The following SLC8A3 variants were observed in gnomAD, a reference collection of about 807,000 sequenced individuals.
SLC8A3 encodes solute carrier family 8 member A3.
A neutral mutation model predicts 65.4 loss-of-function variants in SLC8A3; 37 were observed. That is an observed-to-expected ratio of 0.57 (90% CI 0.44 to 0.74). The LOEUF (loss-of-function observed/expected upper bound fraction) is 0.74. SLC8A3 is among the 30% of genes least tolerant of loss of function. The pLI is 0.00. For missense variants in SLC8A3, 1,112 were observed against 1,172.1 expected (o/e 0.95, Z 0.75); for synonymous variants, 461 against 444.5 (o/e 1.04, Z -0.47).
At chr14:70,088,470 A>G (rs1389758876) in intron 2 of SLC8A3, among the ~76,000 whole-genome samples, 6 of 152,138 alleles carry the variant, frequency 3.9e-5, no homozygotes, top group East Asian at 3.9e-4. Flanking sequence ...CAGGCTATCA[A>G]TGCTTCTCCT....
At chr14:70,094,425 A>G (rs1431616916) in intron 2 of SLC8A3, among the ~76,000 whole-genome samples, 2 of 152,242 alleles carry the variant, frequency 1.3e-5, no homozygotes, top group Non-Finnish European at 2.9e-5. Flanking sequence ...TAAAACCAAC[A>G]GTTCCCATCA....
intron 1 of SLC8A3, among the ~76,000 whole-genome samples, chr14:70,185,758 A>G (rs1883155714): frequency 6.6e-6 from 1 of 152,196 alleles, no homozygotes; most frequent in African/African-American, 2.4e-5. Flanking sequence ...TCTGTTATCT[A>G]GAGGTGTGCC....
chr14:70,150,695 C>G (rs534904164), intron 2 of SLC8A3, among the ~76,000 whole-genome samples: 1 of 152,196 alleles, frequency 6.6e-6, no homozygotes, highest in Admixed American at 6.5e-5. Context: ...CAGAGGAAAG[C>G]AGGTAACATG....
At position 70,174,898 on chromosome 14, in the gene SLC8A3, G is replaced by A. The variant is rs141102075; in HGVS notation, c.-62-6414C>T. ...GGTGGCTCTACGGATGCCTCAACCC[G>A]TGTGGGCAGTGGCTGCACTGCAGCA... On this transcript the variant is annotated intron_variant, in intron 1 of 6. Transcript: ENST00000356921. 7.9e-5 allele frequency among the ~76,000 whole-genome samples: 12 copies of A among 152,250 alleles called. No homozygotes were observed. In the East Asian group the frequency reaches 1.3e-3, roughly 17 times the overall value.
intron 2 of SLC8A3, among the ~76,000 whole-genome samples, chr14:70,163,546 T>C (rs1398457988): frequency 6.6e-6 from 1 of 152,168 alleles, no homozygotes; most frequent in African/African-American, 2.4e-5. Flanking sequence ...AAAGCAGATG[T>C]TCCAACTTTG....
At chr14:70,154,147 C>G (rs61978179) in intron 2 of SLC8A3, among the ~76,000 whole-genome samples, 23,648 of 152,176 alleles carry the variant, frequency 0.16, 2,345 homozygotes, top group Non-Finnish European at 0.22. Context: ...AAAGAAGAAA[C>G]GTAGAATGCA....
intron 2 of SLC8A3, among the ~76,000 whole-genome samples, chr14:70,119,073 C>A (rs1333484255): frequency 6.6e-6 from 1 of 152,082 alleles, no homozygotes; most frequent in African/African-American, 2.4e-5. Context: ...AGTCCTACAG[C>A]TTTACTCTTT....
At chr14:70,112,323 G>A (rs998799797) in intron 2 of SLC8A3, among the ~76,000 whole-genome samples, 6 of 152,302 alleles carry the variant, frequency 3.9e-5, no homozygotes, top group Admixed American at 1.3e-4. Flanking sequence ...TCTTGAGGAC[G>A]AGGCACTGGG....
intron 2 of SLC8A3, among the ~76,000 whole-genome samples, chr14:70,123,596 C>T (rs1454463561): frequency 6.6e-6 from 1 of 151,808 alleles, no homozygotes; most frequent in Non-Finnish European, 1.5e-5. Context: ...ATTACAGGCA[C>T]CTGTCACCAC....
chr14:70,135,904 T>C (rs1198838661), intron 2 of SLC8A3, among the ~76,000 whole-genome samples: 2 of 152,200 alleles, frequency 1.3e-5, no homozygotes. Flanking sequence ...AGAATTATAA[T>C]GTCCCCAATC....
chr14:70,145,511 C>A (rs1297725625), intron 2 of SLC8A3, among the ~76,000 whole-genome samples: 1 of 152,158 alleles, frequency 6.6e-6, no homozygotes, highest in Non-Finnish European at 1.5e-5. Flanking sequence ...AAGCCCTGGC[C>A]CCCTCACTAG....
intron 3 of SLC8A3, among the ~76,000 whole-genome samples, chr14:70,058,733 C>A (rs1453028113): frequency 6.6e-6 from 1 of 152,178 alleles, no homozygotes; most frequent in East Asian, 1.9e-4. Context: ...AAGAGAAGAG[C>A]CTTTTTACTG....
At chr14:70,156,540 G>C (rs1159543828) in intron 2 of SLC8A3, among the ~76,000 whole-genome samples, 1 of 152,170 alleles carries the variant, frequency 6.6e-6, no homozygotes, top group African/African-American at 2.4e-5. Context: ...TCATTGACTG[G>C]AGCTGACACA....
intron 5 of SLC8A3, among the ~76,000 whole-genome samples, chr14:70,050,588 T>G (rs1161534797): frequency 6.6e-6 from 1 of 152,004 alleles, no homozygotes; most frequent in Admixed American, 6.6e-5. Flanking sequence ...TTTTATAAAC[T>G]CCTAACTCCC....
intron 2 of SLC8A3, among the ~76,000 whole-genome samples, chr14:70,079,177 C>T (rs1297628076): frequency 6.6e-6 from 1 of 151,896 alleles, no homozygotes. Context: ...ACATCAGATG[C>T]TTAATAAAAA....
chr14:70,144,042 G>C (rs1440148719), intron 2 of SLC8A3, among the ~76,000 whole-genome samples: 4 of 152,076 alleles, frequency 2.6e-5, no homozygotes, highest in African/African-American at 9.7e-5. Context: ...CTGTTTCTGA[G>C]TCCGTCTCCT....
intron 2 of SLC8A3, among the ~76,000 whole-genome samples, chr14:70,148,158 T>A (rs951422068): frequency 2.0e-5 from 3 of 152,244 alleles, no homozygotes; most frequent in Non-Finnish European, 2.9e-5. Context: ...GGCTTTGTTT[T>A]ATATGTTTTT....
intron 2 of SLC8A3, among the ~76,000 whole-genome samples, chr14:70,072,433 CT>C (rs111788655): frequency 0.37 from 56,278 of 151,312 alleles, 10,552 homozygotes; most frequent in East Asian, 0.44. Context: ...AAGTAGATGC[CT>C]TTTTTTTTAA....
At chr14:70,072,218 C>T (rs1287565648) in intron 2 of SLC8A3, among the ~76,000 whole-genome samples, 3 of 152,134 alleles carry the variant, frequency 2.0e-5, no homozygotes, top group Non-Finnish European at 4.4e-5. Context: ...TTCCTAATTA[C>T]CCACTTTCCC....
Sources: gnomAD v4.1 joint callset for allele counts (sites outside exome capture counted in the v4.1 genomes callset) on GRCh38, gnomAD v4.1.1 for gene constraint, MANE v1.5 for transcripts, NCBI Gene and HGNC (gene_info 2026-07-23, HGNC 2026-07-21) for gene names.